The following RPS6KA2 variants were observed in gnomAD, a reference collection of about 807,000 sequenced individuals.
RPS6KA2 encodes the protein ribosomal protein S6 kinase A2, also known as ribosomal protein S6 kinase alpha-2.
In RPS6KA2, 42 loss-of-function variants were observed where a neutral mutation model predicts 91.8. That is an observed-to-expected ratio of 0.46 (90% CI 0.36 to 0.59). The LOEUF (loss-of-function observed/expected upper bound fraction) is 0.59. RPS6KA2 is among the 20% of genes least tolerant of loss of function. The pLI, the probability that RPS6KA2 is intolerant of heterozygous loss-of-function variation, is 0.00. For missense variants in RPS6KA2, 798 were observed against 978.5 expected, an observed-to-expected ratio of 0.82 and a Z score of 2.46; for synonymous variants, 414 against 393.6, an observed-to-expected ratio of 1.05 and a Z score of -0.61.
rs201002510 is a variant in RPS6KA2 at position 166,851,691 on chromosome 6, CCT to C, written c.123+6507_123+6508del. On this transcript the variant is annotated intron_variant, in intron 2 of 21. Transcript: ENST00000503859. ...ACTGTTCCCATTCGCACTGAGTAATCCTCTGTTTCTCGGAAAGAAAGCACTCT... is the reference window on the plus strand; with the variant it reads ...ACTGTTCCCATTCGCACTGAGTAATCCTGTTTCTCGGAAAGAAAGCACTCT... 4.3e-4 allele frequency among the ~76,000 whole-genome samples: 65 copies of C among 152,270 alleles called. No individual in the cohort carries two copies. In the East Asian group the frequency reaches 0.011, roughly 27 times the overall value.
Position 166,419,905 on chromosome 6 carries a change from G to T in RPS6KA2, c.1797C>A (p.Ile599=). The T allele has an allele frequency of 6.2e-7, 1 of 1,613,952 alleles. No homozygotes were observed. Among genetic ancestry groups the T allele is most frequent in the South Asian group, 1.1e-5 (1 of 91,068 alleles). Residue 599 remains isoleucine, a synonymous_variant, in exon 18 of 21, where the codon ATC becomes ATA. Transcript: ENST00000265678. This position sits in a 1 kb window ranked among gnomAD's most constrained non-coding sequence, Gnocchi z 5.6. The part of the protein sequence containing the change: ...DAACDIWSLG[I]LLYTMLAGFT... The stretch of plus-strand genomic sequence containing the variant: ...ACCCTGCCAGCATGGTGTACAACAG[G>T]ATCCCCAAACTCCAGATGTCACACG...
At chr6:166,833,007 T>A (rs908173500) in intron 2 of RPS6KA2, among the ~76,000 whole-genome samples, 2 of 152,238 alleles carry the variant, frequency 1.3e-5, no homozygotes, top group African/African-American at 4.8e-5. Flanking sequence ...AATTAAGATG[T>A]TTAGCAACTT....
At chr6:166,600,073 TCATAGCTCACTG>T (rs66682145) in intron 1 of RPS6KA2, among the ~76,000 whole-genome samples, 17,090 of 152,166 alleles carry the variant, frequency 0.11, 1,049 homozygotes, top group East Asian at 0.31. Context: ...AGTGGTGCCA[TCATAGCTCACTG>T]CAGCCTCGAA....
chr6:166,849,080 C>T lies in RPS6KA2; in HGVS notation c.123+9120G>A, dbSNP rs946494065. ...TCTCTCCACATGCATCTCAGGCCAG[C>T]CTGGGCAGCCCCAGGCCTGCACATG... On this transcript the variant is annotated intron_variant, in intron 2 of 21. Coordinates refer to the RPS6KA2 transcript ENST00000503859. The surrounding 1 kb of genome is among the most constrained non-coding windows in gnomAD (Gnocchi z 4.9). 1.1e-4 allele frequency among the ~76,000 whole-genome samples: 16 copies of T among 152,266 alleles called. No individual in the cohort carries two copies. The highest frequency in any genetic ancestry group is 5.2e-4 in the Admixed American group (8 of 15,300).
chr6:166,430,536 G>T lies in RPS6KA2; in HGVS notation c.1498C>A (p.Arg500=), dbSNP rs779184447. The T allele has an allele frequency of 1.2e-6, 2 of 1,613,926 alleles. No homozygotes were observed. The highest frequency in any genetic ancestry group is 1.7e-6 in the Non-Finnish European group (2 of 1,179,998). Residue 500 remains arginine, a synonymous_variant, in exon 16 of 21, where the codon CGG becomes AGG. Coordinates refer to ENST00000265678, the MANE Select transcript of RPS6KA2 (RefSeq NM_021135.6). The part of the protein sequence containing the change: ...RGGELLDRIL[R]QRYFSEREAS... ...TCGCGCTCCGAGAAGTATCTCTGCC[G>T]GAGGATGCGGTCCAGGAGCTCCCCA...
At chr6:166,745,429 G>T (rs1281989562) in intron 2 of RPS6KA2, among the ~76,000 whole-genome samples, 1 of 152,134 alleles carries the variant, frequency 6.6e-6, no homozygotes, top group Non-Finnish European at 1.5e-5. Flanking sequence ...TGGGATTCCA[G>T]GTGTGAGCCA....
intron 2 of RPS6KA2, among the ~76,000 whole-genome samples, chr6:166,790,449 A>G (rs1347504728): frequency 6.6e-6 from 1 of 152,210 alleles, no homozygotes; most frequent in African/African-American, 2.4e-5. Context: ...GCAGGATATT[A>G]TCCAGGAGAA....
At position 166,770,881 on chromosome 6, in the gene RPS6KA2, C is replaced by T. The variant is rs1342985071; in HGVS notation, c.123+87319G>A. ...TTCTTACCTCTACGGATCCAGCTAC[C>T]TTTGTCTTGCAGGCAGCTGAGTCAC... is the stretch of plus-strand genomic sequence containing the variant. On this transcript the variant is annotated intron_variant, in intron 2 of 21. Coordinates refer to the RPS6KA2 transcript ENST00000503859. The surrounding 1 kb of genome is among the most constrained non-coding windows in gnomAD (Gnocchi z 5.1). 1 of 1,597,246 alleles carries T rather than the reference C, an allele frequency of 6.3e-7. No individual in the cohort carries two copies. The highest frequency in any genetic ancestry group is 1.1e-5 in the South Asian group (1 of 90,666).
At chr6:166,778,858 C>T (rs992424216) in intron 2 of RPS6KA2, among the ~76,000 whole-genome samples, 6 of 152,330 alleles carry the variant, frequency 3.9e-5, no homozygotes, top group East Asian at 3.9e-4. Context: ...CAAACAGCAC[C>T]GTAAGCGCCA....
chr6:166,732,974 A>G lies in RPS6KA2; in HGVS notation c.123+125226T>C, dbSNP rs6456113. 0.44 allele frequency among the ~76,000 whole-genome samples: 66,977 copies of G among 152,000 alleles called. 18,578 individuals carry two copies. Among genetic ancestry groups the G allele is most frequent in the African/African-American group, 0.8 (33,126 of 41,450 alleles). On this transcript the variant is annotated intron_variant, in intron 2 of 21. Transcript: ENST00000503859. The surrounding 1 kb of genome is among the most constrained non-coding windows in gnomAD (Gnocchi z 4.0). ...TGAGGAACCGGAGCGGCTGGGGTGC[A>G]GGGTGGGAGGCAGGGGTGCACACTT...
chr6:166,486,243 C>T (rs1286954870), intron 10 of RPS6KA2, among the ~76,000 whole-genome samples: 1 of 62,142 alleles, frequency 1.6e-5, no homozygotes, highest in Non-Finnish European at 3.1e-5. Flanking sequence ...ATGAACCCCA[C>T]ACACAGCTGT....
chr6:166,567,540 A>T (rs1372240433), intron 1 of RPS6KA2, among the ~76,000 whole-genome samples: 1 of 152,230 alleles, frequency 6.6e-6, no homozygotes, highest in African/African-American at 2.4e-5. Flanking sequence ...CTATGGGCAC[A>T]TGACAACACA....
At chr6:166,680,082 C>T (rs1381882650) in intron 2 of RPS6KA2, among the ~76,000 whole-genome samples, 1 of 152,198 alleles carries the variant, frequency 6.6e-6, no homozygotes, top group Non-Finnish European at 1.5e-5. Flanking sequence ...CACCAATCAG[C>T]ACTCTGTGTC....
At chr6:166,845,692 C>G (rs1263171373) in intron 2 of RPS6KA2, among the ~76,000 whole-genome samples, 1 of 152,058 alleles carries the variant, frequency 6.6e-6, no homozygotes, top group Non-Finnish European at 1.5e-5. Flanking sequence ...CTTGTCAAAA[C>G]CTCTGGGATA....
rs543870231 is a variant in RPS6KA2, at chr6:166,816,375, G to A, written c.123+41825C>T. ...AGCCTGGTCAACATGGTGAAACCCC[G>A]TCTCTACTAAAAATACAAAAAAAAA... On this transcript the variant is annotated intron_variant, in intron 2 of 21. Coordinates refer to the RPS6KA2 transcript ENST00000503859. Among the ~76,000 whole-genome samples, 256 of 112,456 alleles carry A rather than the reference G, an allele frequency of 2.3e-3. 1 individual carries two copies. The highest frequency in any genetic ancestry group is 6.8e-3 in the African/African-American group (200 of 29,562). 73.8% of individuals were successfully genotyped at this position (112,456 alleles called of 152,430 possible).
At chr6:166,593,929 T>C (rs771666990) in intron 1 of RPS6KA2, among the ~76,000 whole-genome samples, 1 of 152,210 alleles carries the variant, frequency 6.6e-6, no homozygotes, top group Admixed American at 6.5e-5. Flanking sequence ...CTATCACAAA[T>C]GTAAATGCAC....
At chr6:166,680,444 G>A (rs763627990) in intron 2 of RPS6KA2, among the ~76,000 whole-genome samples, 1 of 152,166 alleles carries the variant, frequency 6.6e-6, no homozygotes, top group Non-Finnish European at 1.5e-5. Flanking sequence ...ACCTGCTCTG[G>A]TCCCCTTCCA....
intron 2 of RPS6KA2, chr6:166,702,350 G>A (rs1789549768): frequency 6.2e-7 from 1 of 1,611,756 alleles, no homozygotes; most frequent in Admixed American, 1.7e-5. Context: ...GTTTTGCTGG[G>A]TGGCCATTTC....
upstream of RPS6KA2, among the ~76,000 whole-genome samples, chr6:166,628,398 G>A (rs879623483): frequency 1.3e-5 from 2 of 152,220 alleles, no homozygotes; most frequent in Admixed American, 1.3e-4. Context: ...CGAGTGCGGT[G>A]GTGAGTTGAC....
Sources: gnomAD v4.1 joint callset for allele counts (sites outside exome capture counted in the v4.1 genomes callset) on GRCh38, gnomAD v4.1.1 for gene constraint, Gnocchi (gnomAD v3.1) non-coding constraint, MANE v1.5 for transcripts, NCBI Gene and HGNC (gene_info 2026-07-23, HGNC 2026-07-21) for gene names.